The following LCLAT1 variants were observed in gnomAD, a reference collection of about 807,000 sequenced individuals.
The protein encoded by LCLAT1 is 1-AGP acyltransferase 8.
In LCLAT1, 11 loss-of-function variants were observed where a neutral mutation model predicts 30.7. The ratio of observed to expected loss-of-function variants is 0.36; its 90% confidence interval spans 0.23 to 0.59. The LOEUF (loss-of-function observed/expected upper bound fraction) is 0.59, where lower values mean the gene tolerates loss of function less well. Among genes scored for constraint, LCLAT1 ranks in the 20% least tolerant of loss-of-function variants. LCLAT1 has a pLI of 0.77. For missense variants in LCLAT1, 402 were observed against 458.6 expected, an observed-to-expected ratio of 0.88 and a Z score of 1.13; for synonymous variants, 155 against 151.3, an observed-to-expected ratio of 1.02 and a Z score of -0.18.
chr2:30,530,587 C>G (rs941417240), intron 2 of LCLAT1, among the ~76,000 whole-genome samples: 2 of 152,164 alleles, frequency 1.3e-5, no homozygotes, highest in Non-Finnish European at 2.9e-5. Context: ...CATTCTCTTG[C>G]CCAGCTGGAG....
chr2:30,634,803 T>C (rs1668946290), intron 5 of LCLAT1, among the ~76,000 whole-genome samples: 1 of 152,238 alleles, frequency 6.6e-6, no homozygotes, highest in Non-Finnish European at 1.5e-5. Context: ...CAGTTATAAA[T>C]GGTAAATGAA....
intron 5 of LCLAT1, among the ~76,000 whole-genome samples, chr2:30,580,255 A>C (rs1300809441): frequency 3.9e-5 from 6 of 152,212 alleles, no homozygotes; most frequent in Admixed American, 3.9e-4. Flanking sequence ...GCAAATATCA[A>C]TTTGATCTGA....
intron 2 of LCLAT1, among the ~76,000 whole-genome samples, chr2:30,532,294 C>T (rs1053757156): frequency 5.9e-5 from 9 of 152,022 alleles, no homozygotes; most frequent in East Asian, 1.9e-4. Context: ...TCATGATATT[C>T]GCCAAGAGAA....
At chr2:30,516,902 T>C (rs1008293117) in intron 1 of LCLAT1, among the ~76,000 whole-genome samples, 2 of 152,170 alleles carry the variant, frequency 1.3e-5, no homozygotes, top group African/African-American at 4.8e-5. Context: ...ACAGCCCCCA[T>C]CTGAGTTGGG....
rs115737382 is a variant in LCLAT1 at position 30,513,755 on chromosome 2, G to C, written c.-4-11832G>C. Among the ~76,000 whole-genome samples the C allele has an allele frequency of 3.8e-3, 584 of 152,178 alleles. 2 individuals are homozygous for C. The highest frequency in any genetic ancestry group is 6.8e-3 in the Non-Finnish European group (460 of 68,006). ...CATATCTGCTTGCCTTCTGTGGAGG[G>C]GCTAATCAGAAACTCAAAAGAATGC... On this transcript the variant is annotated intron_variant, in intron 1 of 5. Transcript: ENST00000379509.
rs1324893743 is a variant in LCLAT1 at position 30,461,793 on chromosome 2, C to T, written c.-5+14410C>T. On this transcript the variant is annotated intron_variant, in intron 1 of 5. Coordinates refer to ENST00000379509, the MANE Select transcript of LCLAT1 (RefSeq NM_001002257.3). The stretch of plus-strand genomic sequence containing the variant: ...AACTTTTTTTTTTTTTTTTTTGAGA[C>T]GGAGTCTCGCTCTGTCGCCCAGGCT... Among the ~76,000 whole-genome samples, 38 of 92,458 alleles carry T rather than the reference C, an allele frequency of 4.1e-4. No homozygotes were observed. The South Asian group carries it at 6.8e-3, about 16-fold the overall frequency. 60.7% of individuals were successfully genotyped at this position (92,458 alleles called of 152,430 possible).
intron 3 of LCLAT1, among the ~76,000 whole-genome samples, chr2:30,548,448 G>A (rs1246286789): frequency 2.6e-5 from 4 of 152,132 alleles, no homozygotes; most frequent in Non-Finnish European, 5.9e-5. Context: ...CCAGGCTATA[G>A]GTAAATTTAA....
At chr2:30,628,322 G>A (rs1043484097) in intron 5 of LCLAT1, among the ~76,000 whole-genome samples, 1 of 152,164 alleles carries the variant, frequency 6.6e-6, no homozygotes, top group African/African-American at 2.4e-5. Context: ...TTGAGAAGAG[G>A]ATATAAAATT....
At chr2:30,475,271 T>C (rs764738121) in intron 1 of LCLAT1, among the ~76,000 whole-genome samples, 10 of 152,184 alleles carry the variant, frequency 6.6e-5, no homozygotes, top group Non-Finnish European at 1.3e-4. Flanking sequence ...AGTTCTGGGA[T>C]TACAAAATTG....
intron 3 of LCLAT1, among the ~76,000 whole-genome samples, chr2:30,552,946 T>C (rs948747407): frequency 4.6e-5 from 7 of 152,194 alleles, no homozygotes; most frequent in Non-Finnish European, 8.8e-5. Context: ...GGATTGAAAA[T>C]AATGTCGAAG....
chr2:30,479,876 G>A (rs1013068491), intron 1 of LCLAT1, among the ~76,000 whole-genome samples: 1 of 152,266 alleles, frequency 6.6e-6, no homozygotes, highest in East Asian at 1.9e-4. Flanking sequence ...ACTGAGTTCG[G>A]ACCTCAGCTC....
At chr2:30,546,690 A>G (rs1664428899) in intron 3 of LCLAT1, among the ~76,000 whole-genome samples, 1 of 152,222 alleles carries the variant, frequency 6.6e-6, no homozygotes. Context: ...GCCACAAAGA[A>G]TAGATGTCTG....
At chr2:30,464,754 T>C (rs1682334125) in intron 1 of LCLAT1, among the ~76,000 whole-genome samples, 2 of 152,242 alleles carry the variant, frequency 1.3e-5, no homozygotes, top group Non-Finnish European at 2.9e-5. Flanking sequence ...TTGTTTGCAG[T>C]GTCTAGGGTC....
At chr2:30,473,765 G>C (rs1682914492) in intron 1 of LCLAT1, among the ~76,000 whole-genome samples, 2 of 152,214 alleles carry the variant, frequency 1.3e-5, no homozygotes, top group Admixed American at 1.3e-4. Context: ...GTGGTTGCTA[G>C]AGTTCATGTC....
intron 5 of LCLAT1, among the ~76,000 whole-genome samples, chr2:30,639,252 C>G (rs1255522510): frequency 6.6e-6 from 1 of 152,204 alleles, no homozygotes; most frequent in African/African-American, 2.4e-5. Flanking sequence ...TAACACCTTA[C>G]GTGTTCCCAT....
chr2:30,517,478 C>G (rs1228322026), intron 1 of LCLAT1, among the ~76,000 whole-genome samples: 1 of 152,212 alleles, frequency 6.6e-6, no homozygotes, highest in Admixed American at 6.5e-5. Context: ...CCAGCTTACC[C>G]CCACCTGCAA....
intron 5 of LCLAT1, among the ~76,000 whole-genome samples, chr2:30,617,190 G>GC (rs1313688310): frequency 6.6e-6 from 1 of 152,074 alleles, no homozygotes; most frequent in African/African-American, 2.4e-5. Flanking sequence ...CTGCAGTCAG[G>GC]CCCCTTCCCT....
At chr2:30,460,030 G>C (rs1214430485) in intron 1 of LCLAT1, among the ~76,000 whole-genome samples, 1 of 152,148 alleles carries the variant, frequency 6.6e-6, no homozygotes, top group East Asian at 1.9e-4. Context: ...ATTTTGTTTA[G>C]AGTCGAAAAT....
chr2:30,520,434 A>C (rs1685421639), intron 1 of LCLAT1, among the ~76,000 whole-genome samples: 3 of 152,362 alleles, frequency 2.0e-5, no homozygotes, highest in South Asian at 4.1e-4. Flanking sequence ...ACATGGCTTG[A>C]AAAGGAAGCG....
Sources: allele counts gnomAD v4.1 joint callset (sites outside exome capture counted in the v4.1 genomes callset), GRCh38; gene constraint gnomAD v4.1.1; transcripts MANE v1.5; gene names NCBI Gene and HGNC (gene_info 2026-07-23, HGNC 2026-07-21).